ARAP2: variants seen among roughly 807,000 people sequenced by gnomAD.
The protein encoded by ARAP2 is ArfGAP with RhoGAP domain, ankyrin repeat and PH domain 2, also known as arf-GAP with Rho-GAP domain, ANK repeat and PH domain-containing protein 2.
ARAP2 carries 148 observed loss-of-function variants against 194.5 expected under a neutral mutation model. The observed-to-expected ratio is 0.76, with a 90% confidence interval of 0.67 to 0.87. ARAP2 has a LOEUF of 0.87. Ranked by LOEUF, ARAP2 falls within the 40% of genes least tolerant of loss-of-function variation. The pLI, the probability that ARAP2 is intolerant of heterozygous loss-of-function variation, is 0.00. For missense variants in ARAP2, 2,128 were observed against 1,989.7 expected (o/e 1.07, Z -1.32); for synonymous variants, 695 against 683.5 (o/e 1.02, Z -0.26).
In ARAP2 at chr4:36,124,899, G is replaced by C. The variant is rs746340040; in HGVS notation, c.3709C>G (p.Arg1237Gly). 3.1e-6 allele frequency: 5 copies of C among 1,610,578 alleles called. No homozygotes were observed. In the Admixed American group the frequency reaches 6.7e-5, roughly 22 times the overall value. ...TCAATGATAGCTGCTAGTGTTGCTC[G>C]GTTGACCCCTGGAAGAGAACGTATA... ...AFIRSLPGVNRATLAAIIEHL... is the reference protein window; with the variant it reads ...AFIRSLPGVNGATLAAIIEHL... The change falls in exon 22 of 33, where the codon CGA (arginine) becomes GGA (glycine). Residue 1237 changes from arginine to glycine, a missense_variant. Transcript: ENST00000303965.
In ARAP2 at chr4:36,066,277, A is replaced by G. The variant is rs1173653769; in HGVS notation, c.*1630T>C. The G allele has an allele frequency of 6.6e-6, 1 of 152,182 alleles. No homozygotes were observed. Among genetic ancestry groups the G allele is most frequent in the African/African-American group, 2.4e-5 (1 of 41,460 alleles). 9.4% of individuals were successfully genotyped at this position (152,182 alleles called of 1,614,324 possible). A position where few individuals can be genotyped will look rare whatever the true frequency, so the allele number is the denominator to read the frequency against. On this transcript the variant is annotated 3_prime_UTR_variant, in exon 33 of 33. Transcript: ENST00000303965. The stretch of plus-strand genomic sequence containing the variant: ...TATTAGAAATAGTATGTTTAAGATT[A>G]GTTTTTCTTTCTAAATAACATGATT...
chr4:36,229,836 A>G (rs1751083433), intron 1 of ARAP2, among the ~76,000 whole-genome samples, 191 bp from the exon 2 acceptor site: 1 of 152,220 alleles, frequency 6.6e-6, no homozygotes, highest in Admixed American at 6.5e-5. Context: ...CAGAAATGCT[A>G]TGACAGCATC....
chr4:36,020,421 C>G (rs1302618089), intron 5 of ARAP2, among the ~76,000 whole-genome samples: 10 of 151,978 alleles, frequency 6.6e-5, no homozygotes, highest in Admixed American at 5.9e-4. Context: ...CCGCCCCCAC[C>G]TAAAAAAAGT....
chr4:36,220,867 T>C (rs1748993658), intron 2 of ARAP2, among the ~76,000 whole-genome samples: 1 of 152,088 alleles, frequency 6.6e-6, no homozygotes, highest in Non-Finnish European at 1.5e-5. Flanking sequence ...AAAGTTATAA[T>C]AAGCTAGGGT....
intron 9 of ARAP2, among the ~76,000 whole-genome samples, chr4:36,174,880 T>C (rs1299145969): frequency 6.6e-6 from 1 of 152,170 alleles, no homozygotes; most frequent in Non-Finnish European, 1.5e-5. Flanking sequence ...TTTAAAAAAC[T>C]CTTCAACATT....
intron 6 of ARAP2, among the ~76,000 whole-genome samples, chr4:36,017,263 A>G (rs1715993252): frequency 6.6e-6 from 1 of 151,904 alleles, no homozygotes; most frequent in African/African-American, 2.4e-5. Context: ...TCATTCACTT[A>G]TGTATTTAAT....
Position 36,193,560 on chromosome 4 carries a change from A to C in ARAP2, c.1557+18T>G, listed in dbSNP as rs1448679472. On this transcript the variant is annotated intron_variant, in intron 7 of 32. Coordinates refer to ENST00000303965, the MANE Select transcript of ARAP2 (RefSeq NM_015230.4). ...ATGCATAAAAAAGCAATTTTTGAAA[A>C]CTGTAAAATGTATTTACCTTCTCAT... 2 of 1,533,494 alleles carry C rather than the reference A, an allele frequency of 1.3e-6. No individual in the cohort carries two copies. Among genetic ancestry groups the C allele is most frequent in the Non-Finnish European group, 1.8e-6 (2 of 1,141,834 alleles). 95.0% of individuals were successfully genotyped at this position (1,533,494 alleles called of 1,614,324 possible). A position where few individuals can be genotyped will look rare whatever the true frequency, so the allele number is the denominator to read the frequency against.
At position 36,091,875 on chromosome 4, in the gene ARAP2, C is replaced by A. The variant is rs551127108; in HGVS notation, c.4425+6G>T. The stretch of plus-strand genomic sequence containing the variant: ...ATAAAAATGTACGCATGTTCAAATA[C>A]TATACCTTCACATCCTTGTAAAGAA... On this transcript the variant is annotated splice_donor_region_variant and intron_variant, in intron 28 of 32. Coordinates refer to ENST00000303965, the MANE Select transcript of ARAP2 (RefSeq NM_015230.4). 3 of 1,591,076 alleles carry A rather than the reference C, an allele frequency of 1.9e-6. No homozygotes were observed. The African/African-American group carries it at 4.0e-5, about 21-fold the overall frequency.
intron 19 of ARAP2, among the ~76,000 whole-genome samples, chr4:36,138,258 T>C (rs1295688559): frequency 1.3e-5 from 2 of 151,716 alleles, no homozygotes; most frequent in African/African-American, 2.4e-5. Context: ...TTTAAGTGTA[T>C]GGTTTGAAAT....
intron 19 of ARAP2, among the ~76,000 whole-genome samples, chr4:36,137,567 T>C (rs1359648364): frequency 6.6e-6 from 1 of 151,828 alleles, no homozygotes; most frequent in Non-Finnish European, 1.5e-5. Context: ...GAAAAGATAT[T>C]TAAAGCCGTC....
chr4:36,156,143 G>T (rs1732240676), intron 15 of ARAP2, among the ~76,000 whole-genome samples: 1 of 151,650 alleles, frequency 6.6e-6, no homozygotes. Context: ...TTAGCTGGGT[G>T]TGGTGGTGGA....
chr4:36,204,131 G>A (rs1375666609), intron 6 of ARAP2, among the ~76,000 whole-genome samples: 3 of 152,074 alleles, frequency 2.0e-5, no homozygotes, highest in African/African-American at 7.2e-5. Context: ...GTGTTTCAGG[G>A]CAAGAAGTCC....
At chr4:36,047,545 T>C (rs1262951226) in intron 3 of ARAP2, among the ~76,000 whole-genome samples, 1 of 152,212 alleles carries the variant, frequency 6.6e-6, no homozygotes, top group Non-Finnish European at 1.5e-5. Flanking sequence ...GCAGCACTCA[T>C]TTATTGTGCT....
At chr4:36,228,044 T>C (rs908303605) in intron 2 of ARAP2, among the ~76,000 whole-genome samples, 1 of 152,142 alleles carries the variant, frequency 6.6e-6, no homozygotes, top group Non-Finnish European at 1.5e-5. Context: ...TCACCATCTT[T>C]TTACATGTGA....
Position 36,056,536 on chromosome 4 carries a change from A to G in ARAP2, n.321+1434T>C, listed in dbSNP as rs190099237. Among the ~76,000 whole-genome samples the G allele has an allele frequency of 2.2e-3, 341 of 152,232 alleles. 1 individual carries two copies. The highest frequency in any genetic ancestry group is 8.0e-3 in the African/African-American group (334 of 41,528). On this transcript the variant is annotated intron_variant and non_coding_transcript_variant, in intron 2 of 12. Transcript: ENST00000503225. The stretch of plus-strand genomic sequence containing the variant: ...TCTTTTTCAAACTTTTACTTTCAAC[A>G]TATGTCTATATATTTTATGTGTGTC...
chr4:36,192,683 A>C (rs772212287), intron 7 of ARAP2, among the ~76,000 whole-genome samples: 1 of 152,232 alleles, frequency 6.6e-6, no homozygotes, highest in Non-Finnish European at 1.5e-5. Flanking sequence ...AAACTAGAAA[A>C]AAATAGTAGC....
At chr4:36,042,370 G>A (rs1721013592) in intron 5 of ARAP2, among the ~76,000 whole-genome samples, 1 of 152,164 alleles carries the variant, frequency 6.6e-6, no homozygotes, top group African/African-American at 2.4e-5. Flanking sequence ...AAGGAACTAC[G>A]TTTACTTCCA....
intron 12 of ARAP2, among the ~76,000 whole-genome samples, chr4:36,161,180 C>T (rs1332413763): frequency 3.3e-5 from 5 of 151,508 alleles, no homozygotes; most frequent in African/African-American, 7.3e-5. Context: ...CACACACACA[C>T]ACACACACAT....
In ARAP2 at chr4:36,128,473, A is replaced by G. The variant is rs1293804560; in HGVS notation, c.3640+60T>C. 3 of 312,316 alleles carry G rather than the reference A, an allele frequency of 9.6e-6. No homozygotes were observed. In the African/African-American group the frequency reaches 1.3e-4, roughly 14 times the overall value. The allele number at this position is 312,316 out of a possible 1,614,324, so 19.3% of individuals were successfully genotyped here. On this transcript the variant is annotated intron_variant, in intron 21 of 32. Coordinates refer to ENST00000303965, the MANE Select transcript of ARAP2 (RefSeq NM_015230.4). ...AAGGCAAGCATGTATTATGGTCTAT[A>G]TTATACACACACACACACACACACA...
Sources: allele counts gnomAD v4.1 joint callset (sites outside exome capture counted in the v4.1 genomes callset), GRCh38; gene constraint gnomAD v4.1.1; transcripts MANE v1.5; gene names NCBI Gene and HGNC (gene_info 2026-07-23, HGNC 2026-07-21).